CDK6: variants seen among roughly 807,000 people sequenced by gnomAD.
The protein encoded by CDK6 is cyclin dependent kinase 6.
Under a neutral mutation model 37.1 loss-of-function variants are expected in CDK6, and 6 were observed. That is an observed-to-expected ratio of 0.16 (90% CI 0.09 to 0.32). The LOEUF (loss-of-function observed/expected upper bound fraction) is 0.32. Ranked by LOEUF, CDK6 falls within the 10% of genes least tolerant of loss-of-function variation. CDK6 has a pLI of 1.00. For synonymous variants in CDK6, 160 were observed against 161.3 expected (o/e 0.99, Z 0.06); for missense variants, 224 against 418.9 (o/e 0.53, Z 4.06).
intron 4 of CDK6, chr7:92,725,287 C>T: frequency 1.0e-6 from 1 of 985,428 alleles, no homozygotes; most frequent in Non-Finnish European, 1.2e-6. Flanking sequence ...CTTCCCTGAC[C>T]TTGAGCTGTG....
chr7:92,729,032 C>T (rs1187418568), intron 3 of CDK6, among the ~76,000 whole-genome samples: 1 of 152,144 alleles, frequency 6.6e-6, no homozygotes, highest in Non-Finnish European at 1.5e-5. Context: ...ACGTCAGGAA[C>T]TCTGGTCCCA....
chr7:92,750,521 T>C (rs1439611508), intron 3 of CDK6, among the ~76,000 whole-genome samples: 1 of 152,224 alleles, frequency 6.6e-6, no homozygotes, highest in African/African-American at 2.4e-5. Context: ...CACTACGCCA[T>C]ATTTTGAAAA....
chr7:92,683,420 G>A lies in CDK6; in HGVS notation c.538-11885C>T, dbSNP rs114756563. On this transcript the variant is annotated intron_variant, in intron 4 of 7. Coordinates refer to ENST00000424848, the MANE Select transcript of CDK6 (RefSeq NM_001145306.2). ...GTTATATGGTTAGTGCAAGTGATGA[G>A]GGAAATGGAAGCATAGTTTTAAAAT... Among the ~76,000 whole-genome samples the A allele has an allele frequency of 3.2e-3, 489 of 152,248 alleles. 1 individual carries two copies. The highest frequency in any genetic ancestry group is 0.011 in the African/African-American group (464 of 41,532).
At chr7:92,742,696 T>C (rs1798953438) in intron 3 of CDK6, among the ~76,000 whole-genome samples, 1 of 151,942 alleles carries the variant, frequency 6.6e-6, no homozygotes, top group South Asian at 2.1e-4. Context: ...TTTTTCTGAA[T>C]TTACCAGTTA....
intron 2 of CDK6, among the ~76,000 whole-genome samples, chr7:92,806,832 T>C (rs970214452): frequency 6.6e-5 from 10 of 152,200 alleles, no homozygotes; most frequent in African/African-American, 2.4e-4. Context: ...TTCTTCATTT[T>C]GATAACAACT....
intron 5 of CDK6, among the ~76,000 whole-genome samples, chr7:92,665,858 A>G (rs528536679): frequency 6.6e-6 from 1 of 152,360 alleles, no homozygotes; most frequent in Non-Finnish European, 1.5e-5. Context: ...TCAGGCAGAC[A>G]TGGGGTCTTG....
rs2116475805 is a variant in CDK6 at position 92,615,068 on chromosome 7, G to A, written c.*72C>T. ...TAGCAATCCTCCACAGCTCTGTAGGGCTTGCTGAGGGGGACCCATAAGCCA... is the reference window on the plus strand; with the variant it reads ...TAGCAATCCTCCACAGCTCTGTAGGACTTGCTGAGGGGGACCCATAAGCCA... On this transcript the variant is annotated 3_prime_UTR_variant, in exon 8 of 8. Transcript: ENST00000424848. 1 of 1,527,834 alleles carries A rather than the reference G, an allele frequency of 6.5e-7. No individual in the cohort carries two copies. 94.6% of individuals were successfully genotyped at this position (1,527,834 alleles called of 1,614,324 possible).
intron 5 of CDK6, among the ~76,000 whole-genome samples, chr7:92,650,744 C>G (rs1393856674): frequency 6.6e-6 from 1 of 152,174 alleles, no homozygotes; most frequent in Non-Finnish European, 1.5e-5. Context: ...TGCCAGTTGA[C>G]AGCTGGGGGC....
Position 92,614,765 on chromosome 7 carries a change from G to A in CDK6, c.*375C>T, listed in dbSNP as rs895666033. On this transcript the variant is annotated 3_prime_UTR_variant, in exon 8 of 8. Transcript: ENST00000424848. ...CACTCAAAAGTACCAAATCAGGCCC[G>A]GCAGCTGCAGAGAGATTACATCATA... The A allele has an allele frequency of 3.4e-6, 1 of 293,160 alleles. No homozygotes were observed. Among genetic ancestry groups the A allele is most frequent in the East Asian group, 4.8e-5 (1 of 20,888 alleles). 18.2% of individuals were successfully genotyped at this position (293,160 alleles called of 1,614,324 possible).
At chr7:92,832,620 C>T (rs1647800733) in intron 2 of CDK6, among the ~76,000 whole-genome samples, 1 of 152,192 alleles carries the variant, frequency 6.6e-6, no homozygotes, top group African/African-American at 2.4e-5. Flanking sequence ...CTGATTTACA[C>T]TTGGCTCCAC....
At chr7:92,714,871 G>A (rs1027596065) in intron 4 of CDK6, among the ~76,000 whole-genome samples, 3 of 151,296 alleles carry the variant, frequency 2.0e-5, no homozygotes, top group Non-Finnish European at 2.9e-5. Flanking sequence ...GACAGACTTT[G>A]GCCCATTTAA....
At chr7:92,824,118 T>C (rs1466516777) in intron 2 of CDK6, among the ~76,000 whole-genome samples, 1 of 151,716 alleles carries the variant, frequency 6.6e-6, no homozygotes, top group Non-Finnish European at 1.5e-5. Flanking sequence ...ATTATGAGAT[T>C]ACTTTGCAAT....
At chr7:92,805,768 T>TC (rs962107800) in intron 2 of CDK6, among the ~76,000 whole-genome samples, 2 of 152,280 alleles carry the variant, frequency 1.3e-5, no homozygotes, top group East Asian at 1.9e-4. Context: ...TGAACCTTGT[T>TC]CCCCCCGTAC....
At chr7:92,715,068 G>A (rs948689494) in intron 4 of CDK6, among the ~76,000 whole-genome samples, 4 of 152,042 alleles carry the variant, frequency 2.6e-5, no homozygotes, top group Non-Finnish European at 5.9e-5. Context: ...AGTATTTAAC[G>A]TCACCATGAA....
At chr7:92,813,305 A>C (rs1800937348) in intron 2 of CDK6, among the ~76,000 whole-genome samples, 1 of 152,188 alleles carries the variant, frequency 6.6e-6, no homozygotes, top group Non-Finnish European at 1.5e-5. Flanking sequence ...TTTGAGAGGG[A>C]AACAGAAAGG....
intron 2 of CDK6, among the ~76,000 whole-genome samples, chr7:92,789,807 G>A (rs944600059): frequency 2.6e-5 from 4 of 152,130 alleles, no homozygotes; most frequent in African/African-American, 9.7e-5. Context: ...TACAGATGAA[G>A]AAGCTAAGAT....
intron 5 of CDK6, among the ~76,000 whole-genome samples, chr7:92,625,239 C>G (rs1185062897): frequency 6.6e-6 from 1 of 151,652 alleles, no homozygotes; most frequent in Non-Finnish European, 1.5e-5. Context: ...CACACACACA[C>G]ACACACACAC....
intron 4 of CDK6, among the ~76,000 whole-genome samples, chr7:92,716,067 T>C (rs1798223509): frequency 6.6e-6 from 1 of 152,186 alleles, no homozygotes; most frequent in African/African-American, 2.4e-5. Flanking sequence ...GCTCAAGTTA[T>C]TATCAAGGAG....
At chr7:92,763,243 T>C (rs1018662681) in intron 3 of CDK6, among the ~76,000 whole-genome samples, 10 of 152,246 alleles carry the variant, frequency 6.6e-5, no homozygotes, top group Non-Finnish European at 1.3e-4. Context: ...CTCAGAGTAC[T>C]AGGTTTAGCC....
Sources: gnomAD v4.1 joint callset for allele counts (sites outside exome capture counted in the v4.1 genomes callset) on GRCh38, gnomAD v4.1.1 for gene constraint, MANE v1.5 for transcripts, NCBI Gene and HGNC (gene_info 2026-07-23, HGNC 2026-07-21) for gene names.